GPHN: variants seen among roughly 807,000 people sequenced by gnomAD.
The protein encoded by GPHN is gephyrin.
Under a neutral mutation model 95.5 loss-of-function variants are expected in GPHN, and 17 were observed. That is an observed-to-expected ratio of 0.18 (90% CI 0.12 to 0.27). The LOEUF (loss-of-function observed/expected upper bound fraction) is 0.27. Among genes scored for constraint, GPHN ranks in the 10% least tolerant of loss-of-function variants. The probability of loss-of-function intolerance (pLI) is 1.00; values close to 1 mark genes in which losing one functional copy is unlikely to be tolerated. For missense variants in GPHN, 660 were observed against 978.1 expected (o/e 0.67, Z 4.34); for synonymous variants, 320 against 322.5 (o/e 0.99, Z 0.08).
In GPHN at chr14:67,058,728, C is replaced by CTT. The variant is rs1567272656; in HGVS notation, c.1088_1089dup (p.Ile364LeufsTer7). Reference sequence around the variant, plus strand: ...TTCCTCTGACATCTATGGACAAAGCCTTTATCACAGTCCTGGAGATGACTC... The same window carrying CTT: ...TTCCTCTGACATCTATGGACAAAGCCTTTTTATCACAGTCCTGGAGATGACTC... On this transcript the variant is annotated frameshift_variant, in exon 11 of 23. Coordinates refer to ENST00000478722, the MANE Select transcript of GPHN (RefSeq NM_020806.5). LOFTEE classifies it high-confidence loss of function. 6.2e-7 allele frequency: 1 copy of CTT among 1,613,536 alleles called. No homozygotes were observed. The highest frequency in any genetic ancestry group is 1.7e-5 in the Admixed American group (1 of 60,008).
At chr14:67,010,578 A>G (rs72730444) in intron 9 of GPHN, among the ~76,000 whole-genome samples, 7,117 of 151,730 alleles carry the variant, frequency 0.047, 201 homozygotes, top group Middle Eastern at 0.068. Flanking sequence ...AAGAAAGAAA[A>G]AAAAGAATAA....
chr14:67,198,777 G>C, the GPHN span, among the ~76,000 whole-genome samples: 1 of 152,300 alleles, frequency 6.6e-6, no homozygotes, highest in African/African-American at 2.4e-5. Flanking sequence ...CCTACATTAT[G>C]AATGAAACTG....
the GPHN span, among the ~76,000 whole-genome samples, chr14:67,448,161 C>T: frequency 1.7e-4 from 10 of 57,448 alleles, no homozygotes; most frequent in African/African-American, 5.2e-4. Flanking sequence ...TTTTTTGAGA[C>T]GGAGTCTTGC....
intron 8 of GPHN, among the ~76,000 whole-genome samples, chr14:66,930,528 T>G (rs913262503): frequency 1.6e-4 from 24 of 148,162 alleles, no homozygotes; most frequent in African/African-American, 5.3e-4. Flanking sequence ...GTTGTAGGTT[T>G]TTTTTTTTTT....
In GPHN at chr14:66,918,993, C is replaced by G. The variant is rs374024015; in HGVS notation, c.456+2924C>G. The stretch of plus-strand genomic sequence containing the variant: ...AGAAAGACCTCCACCTCTTCTGCAG[C>G]TATAGCTGGCCTTATATTCTGATTT... On this transcript the variant is annotated intron_variant, in intron 6 of 22. Coordinates refer to ENST00000478722, the MANE Select transcript of GPHN (RefSeq NM_020806.5). Among the ~76,000 whole-genome samples, 521 of 152,244 alleles carry G rather than the reference C, an allele frequency of 3.4e-3. 1 individual carries two copies. Among genetic ancestry groups the G allele is most frequent in the African/African-American group, 0.012 (485 of 41,536 alleles).
chr14:67,279,575 T>C, the GPHN span: 1 of 1,496,578 alleles, frequency 6.7e-7, no homozygotes, highest in Admixed American at 2.4e-5. Context: ...AACATTTTGC[T>C]TTAATTTATC....
intron 5 of GPHN, among the ~76,000 whole-genome samples, chr14:66,888,747 A>T (rs2064324719): frequency 6.6e-6 from 1 of 152,132 alleles, no homozygotes. Flanking sequence ...TAATTACTTT[A>T]AGTGTAAATG....
the GPHN span, among the ~76,000 whole-genome samples, chr14:67,269,248 T>A: frequency 1.3e-5 from 2 of 152,236 alleles, no homozygotes; most frequent in Non-Finnish European, 2.9e-5. Context: ...TATACAACTT[T>A]TAATAAATTC....
At chr14:67,661,814 G>T in the GPHN span, among the ~76,000 whole-genome samples, 1 of 152,054 alleles carries the variant, frequency 6.6e-6, no homozygotes, top group Non-Finnish European at 1.5e-5. Flanking sequence ...GATTGCAAGC[G>T]TGAGCCACCG....
chr14:67,302,526 C>T, the GPHN span: 16 of 1,587,368 alleles, frequency 1.0e-5, no homozygotes, highest in South Asian at 1.7e-4. Flanking sequence ...AGATTAATGG[C>T]ATTGAAATTC....
chr14:67,145,329 A>T (rs1054179263), intron 18 of GPHN, among the ~76,000 whole-genome samples: 1 of 152,202 alleles, frequency 6.6e-6, no homozygotes, highest in African/African-American at 2.4e-5. Context: ...TTGTGGCTCA[A>T]TTGTGGTAAG....
rs181467804 is a variant in GPHN, at chr14:66,921,965, A to G, written c.457-701A>G. Among the ~76,000 whole-genome samples the G allele has an allele frequency of 3.3e-5, 5 of 152,292 alleles. 1 individual carries two copies. Among genetic ancestry groups the G allele is most frequent in the African/African-American group, 1.2e-4 (5 of 41,572 alleles). On this transcript the variant is annotated intron_variant, in intron 6 of 22. Coordinates refer to ENST00000478722, the MANE Select transcript of GPHN (RefSeq NM_020806.5). ...AACAAAAACATAAAGTAGGAAAAGG[A>G]CACCCTTTTCAACAAAGGGCGCTGG... is the stretch of plus-strand genomic sequence containing the variant.
the GPHN span, chr14:67,650,841 G>T: frequency 1.2e-6 from 2 of 1,614,154 alleles, no homozygotes; most frequent in Admixed American, 3.3e-5. Context: ...ACAAGAGAAG[G>T]AGGGCATATT....
intron 18 of GPHN, among the ~76,000 whole-genome samples, chr14:67,145,949 G>A (rs1314607466): frequency 1.3e-5 from 2 of 152,198 alleles, no homozygotes; most frequent in Non-Finnish European, 2.9e-5. Context: ...CAAGAATTAT[G>A]ACAAGGAACC....
chr14:67,345,596 A>G, the GPHN span, among the ~76,000 whole-genome samples: 1 of 152,138 alleles, frequency 6.6e-6, no homozygotes, highest in African/African-American at 2.4e-5. Context: ...AGTAGGGACA[A>G]TGGTACAAAA....
At chr14:66,717,533 A>G (rs184263522) in intron 2 of GPHN, among the ~76,000 whole-genome samples, 1 of 152,130 alleles carries the variant, frequency 6.6e-6, no homozygotes, top group Non-Finnish European at 1.5e-5. Flanking sequence ...CTTGGTTTGT[A>G]TCAATTGATG....
At chr14:67,607,828 T>C in the GPHN span, among the ~76,000 whole-genome samples, 3 of 152,220 alleles carry the variant, frequency 2.0e-5, no homozygotes, top group African/African-American at 4.8e-5. Flanking sequence ...TTAATTTACC[T>C]ACTGGGGTGT....
chr14:66,787,591 A>G (rs1279920801), intron 3 of GPHN, among the ~76,000 whole-genome samples: 2 of 152,222 alleles, frequency 1.3e-5, no homozygotes, highest in Non-Finnish European at 2.9e-5. Context: ...TTCTGTATCT[A>G]CAGTATTCAA....
the GPHN span, among the ~76,000 whole-genome samples, chr14:67,535,160 A>AATGCCTGTAG: frequency 6.6e-6 from 1 of 152,162 alleles, no homozygotes; most frequent in South Asian, 2.1e-4. Context: ...CATACATATG[A>AATGCCTGTAG]ATGCCTGTAG....
Sources: allele counts gnomAD v4.1 joint callset (sites outside exome capture counted in the v4.1 genomes callset), GRCh38; gene constraint gnomAD v4.1.1; transcripts MANE v1.5; gene names NCBI Gene and HGNC (gene_info 2026-07-23, HGNC 2026-07-21).